CLEC2A: variants seen among roughly 807,000 people sequenced by gnomAD.
CLEC2A encodes the protein keratinocyte-associated C-type lectin.
In CLEC2A, 19 loss-of-function variants were observed where a neutral mutation model predicts 18.6. The observed-to-expected ratio is 1.02, with a 90% CI of 0.71 to 1.50. The LOEUF (loss-of-function observed/expected upper bound fraction) is 1.50, where lower values mean the gene tolerates loss of function less well. CLEC2A is among the 40% of genes most tolerant of loss of function. CLEC2A has a pLI of 0.00. For synonymous variants in CLEC2A, 74 were observed against 64.0 expected (o/e 1.16, Z -0.75); for missense variants, 190 against 207.9 (o/e 0.91, Z 0.53).
chr12:9,923,764 T>TTG lies in CLEC2A; in HGVS notation c.140-1533_140-1532insCA, dbSNP rs1863214696. 2.0e-5 allele frequency among the ~76,000 whole-genome samples: 3 copies of TTG among 152,168 alleles called. No homozygotes were observed. The South Asian group carries it at 6.2e-4, about 32-fold the overall frequency. ...TATGCAGCCTTAAAAAAGGATGAGT[T>TTG]CATGTCCTTTGTAGGGACATGGATG... On this transcript the variant is annotated intron_variant, in intron 2 of 4. Coordinates refer to ENST00000455827, the MANE Select transcript of CLEC2A (RefSeq NM_001130711.2).
the CLEC2A span, chr12:9,888,857 C>T: frequency 2.4e-6 from 2 of 820,074 alleles, no homozygotes; most frequent in African/African-American, 1.7e-5. Flanking sequence ...TGGCGTTCAC[C>T]CATGTTACAC....
At chr12:9,889,043 T>C in the CLEC2A span, among the ~76,000 whole-genome samples, 909 of 152,320 alleles carry the variant, frequency 6.0e-3, 12 homozygotes, top group African/African-American at 0.021. Context: ...TTTCCTGCCA[T>C]ACCTAACTTG....
the CLEC2A span, among the ~76,000 whole-genome samples, chr12:9,891,732 A>G: frequency 6.6e-6 from 1 of 152,158 alleles, no homozygotes; most frequent in African/African-American, 2.4e-5. Context: ...GCATGTATTA[A>G]TGAGTTAAGA....
At chr12:9,890,558 G>A in the CLEC2A span, among the ~76,000 whole-genome samples, 3 of 152,126 alleles carry the variant, frequency 2.0e-5, no homozygotes, top group Non-Finnish European at 2.9e-5. Flanking sequence ...ACACCCTCCC[G>A]AAACATGGAA....
At chr12:9,881,505 C>T in the CLEC2A span, 3 of 942,124 alleles carry the variant, frequency 3.2e-6, no homozygotes, top group Non-Finnish European at 4.8e-6. Flanking sequence ...CTTTTAGTAC[C>T]TTGTGCCAAA....
At chr12:9,889,534 T>C in the CLEC2A span, among the ~76,000 whole-genome samples, 13 of 152,096 alleles carry the variant, frequency 8.5e-5, no homozygotes, top group Non-Finnish European at 1.0e-4. Context: ...AGATATAATA[T>C]TAATTTTTCC....
chr12:9,929,479 A>T (rs936511077), intron 1 of CLEC2A, among the ~76,000 whole-genome samples: 7 of 152,190 alleles, frequency 4.6e-5, no homozygotes, highest in African/African-American at 1.7e-4. Flanking sequence ...TATCTCAGAT[A>T]GACATTGAAT....
rs1455186880 is a variant in CLEC2A at position 9,913,608 on chromosome 12, A to G, written c.483T>C (p.Ile161=). The G allele has an allele frequency of 1.9e-6, 3 of 1,550,042 alleles. No homozygotes were observed. The highest frequency in any genetic ancestry group is 3.3e-4 in the Middle Eastern group (2 of 5,984). Residue 161 remains isoleucine, a synonymous_variant, in exon 5 of 5, where the codon ATT becomes ATC. Transcript: ENST00000455827. ...ADGVHSSRGF[I]DIKWICSKPK... is the part of the protein sequence containing the mutation. ...GTTTGCTGCAAATCCACTTGATATC[A>G]ATAAATCCTCTGGAACTATGGACTC...
chr12:9,892,980 C>CTGTAAAGT, the CLEC2A span: 3 of 1,449,642 alleles, frequency 2.1e-6, no homozygotes, highest in Non-Finnish European at 2.8e-6. Flanking sequence ...TCCCTGTTGG[C>CTGTAAAGT]TGTAAAGTTT....
chr12:9,878,906 T>C, the CLEC2A span, among the ~76,000 whole-genome samples: 907 of 152,150 alleles, frequency 6.0e-3, 12 homozygotes, highest in African/African-American at 0.021. Context: ...GATGGGGGGA[T>C]GGAGAATGCT....
At chr12:9,892,113 A>C in the CLEC2A span, among the ~76,000 whole-genome samples, 6 of 152,220 alleles carry the variant, frequency 3.9e-5, no homozygotes, top group Non-Finnish European at 8.8e-5. Flanking sequence ...TGCTTTAGCA[A>C]ATGTATCAAT....
the CLEC2A span, among the ~76,000 whole-genome samples, chr12:9,890,202 T>C: frequency 6.6e-6 from 1 of 152,208 alleles, no homozygotes; most frequent in African/African-American, 2.4e-5. Flanking sequence ...ACAATCACAA[T>C]CTCACTATAA....
chr12:9,884,981 T>G, the CLEC2A span: 3 of 1,351,810 alleles, frequency 2.2e-6, no homozygotes, highest in Non-Finnish European at 2.9e-6. Context: ...CATATTTGGA[T>G]GCATTGTGAT....
At chr12:9,885,269 A>C in the CLEC2A span, among the ~76,000 whole-genome samples, 7 of 151,770 alleles carry the variant, frequency 4.6e-5, no homozygotes, top group Non-Finnish European at 7.4e-5. Flanking sequence ...TAATTAAAAA[A>C]GTAATGTATC....
chr12:9,903,777 A>T (rs976848707), intron 4 of CLEC2A, among the ~76,000 whole-genome samples: 1 of 152,238 alleles, frequency 6.6e-6, no homozygotes, highest in Non-Finnish European at 1.5e-5. Flanking sequence ...CCACCAGAAT[A>T]GTAGGGACTC....
the CLEC2A span, among the ~76,000 whole-genome samples, chr12:9,890,952 A>G: frequency 6.6e-6 from 1 of 151,978 alleles, no homozygotes; most frequent in Non-Finnish European, 1.5e-5. Context: ...TTTTCTTTTC[A>G]TTTGATTTCT....
chr12:9,913,280 C>G lies in CLEC2A; in HGVS notation c.*286G>C. ...AAACTCATAAATTGAAAGCTAATCACCAGTGTGATGGTATTAGGGGATGGA... is the reference window on the plus strand; with the variant it reads ...AAACTCATAAATTGAAAGCTAATCAGCAGTGTGATGGTATTAGGGGATGGA... On this transcript the variant is annotated 3_prime_UTR_variant, in exon 5 of 5. Transcript: ENST00000455827. 1 of 331,598 alleles carries G rather than the reference C, an allele frequency of 3.0e-6. No individual in the cohort carries two copies. Among genetic ancestry groups the G allele is most frequent in the Non-Finnish European group, 5.0e-6 (1 of 200,374 alleles). 20.5% of individuals were successfully genotyped at this position (331,598 alleles called of 1,614,324 possible).
chr12:9,927,325 C>A (rs1245759058), intron 1 of CLEC2A, among the ~76,000 whole-genome samples: 2 of 152,212 alleles, frequency 1.3e-5, no homozygotes, highest in Middle Eastern at 3.4e-3. Flanking sequence ...TATAAAAGAT[C>A]AAAAATGGTA....
At chr12:9,915,156 C>T (rs894537203) in intron 4 of CLEC2A, among the ~76,000 whole-genome samples, 17 of 151,668 alleles carry the variant, frequency 1.1e-4, no homozygotes, top group Admixed American at 1.1e-3. Context: ...AATGAGATAC[C>T]ATCTCATGCC....
Sources: allele counts gnomAD v4.1 joint callset (sites outside exome capture counted in the v4.1 genomes callset), GRCh38; gene constraint gnomAD v4.1.1; transcripts MANE v1.5; gene names NCBI Gene and HGNC (gene_info 2026-07-23, HGNC 2026-07-21).